Variants in RARS2 observed in about 807,000 individuals in gnomAD.
The protein encoded by RARS2 is probable arginine--tRNA ligase, mitochondrial.
RARS2 carries 67 observed loss-of-function variants against 88.5 expected under a neutral mutation model. The observed-to-expected ratio is 0.76, with a 90% CI of 0.62 to 0.93. RARS2 has a LOEUF of 0.93. Ranked by LOEUF, RARS2 falls within the 40% of genes least tolerant of loss-of-function variation. The pLI, the probability that RARS2 is intolerant of heterozygous loss-of-function variation, is 0.00. For missense variants in RARS2, 664 were observed against 684.2 expected (o/e 0.97, Z 0.33); for synonymous variants, 239 against 230.3 (o/e 1.04, Z -0.34).
Position 87,518,697 on chromosome 6 carries a change from C to T in RARS2, c.1348G>A (p.Asp450Asn). Residue 450 changes from aspartate (D) to asparagine (N), a missense_variant, in exon 16 of 20, where the codon GAT becomes AAT. By Grantham distance (23) the Asp-to-Asn change is conservative. Coordinates refer to ENST00000369536, the MANE Select transcript of RARS2 (RefSeq NM_020320.5). ...LLLSDYKFSWDRVFQSRGDTG... is the reference protein window; with the variant it reads ...LLLSDYKFSWNRVFQSRGDTG... The stretch of plus-strand genomic sequence containing the variant: ...TCCCCGCGACTCTGGAAAACACGAT[C>T]CCAGCTGAACTTGTAGTCAGATAAG... 1 of 1,614,074 alleles carries T rather than the reference C, an allele frequency of 6.2e-7. No homozygotes were observed. The highest frequency in any genetic ancestry group is 8.5e-7 in the Non-Finnish European group (1 of 1,179,972).
intron 1 of RARS2, among the ~76,000 whole-genome samples, chr6:87,576,696 A>G (rs775372949): frequency 3.9e-5 from 6 of 152,366 alleles, no homozygotes; most frequent in South Asian, 2.1e-4. Context: ...TGTGGGGCAT[A>G]TAAGTATTAA....
In RARS2 at chr6:87,586,953, C is replaced by T. The variant is rs1472480881; in HGVS notation, c.36+2969G>A. Among the ~76,000 whole-genome samples, 5 of 151,962 alleles carry T rather than the reference C, an allele frequency of 3.3e-5. No homozygotes were observed. The East Asian group carries it at 5.8e-4, about 18-fold the overall frequency. ...AGACAGGGTCTTGCTTTACCACCCA[C>T]GCTGGAGTTCAGTGGCACAATCTTG... On this transcript the variant is annotated intron_variant, in intron 1 of 19. Coordinates refer to ENST00000369536, the MANE Select transcript of RARS2 (RefSeq NM_020320.5).
rs767785738 is a variant in RARS2, at chr6:87,530,821, C to T, written c.734G>A (p.Arg245Gln). Residue 245 changes from arginine to glutamine, a missense_variant, in exon 9 of 20, where the codon CGG becomes CAG. Physicochemically the swap from Arg to Gln is conservative, Grantham distance 43 (BLOSUM62 1). Transcript: ENST00000369536. ...VQALSLWQKF[R>Q]DLSIEEYIRV... ...AATGTACTCTTCAATGCTCAAGTCC[C>T]GAAATTTTTGCCACAGTGAAAGTGC... The T allele has an allele frequency of 8.7e-6, 14 of 1,614,162 alleles. No individual in the cohort carries two copies. Among genetic ancestry groups the T allele is most frequent in the East Asian group, 6.7e-5 (3 of 44,876 alleles).
At chr6:87,566,018 T>C (rs916429845) in intron 2 of RARS2, among the ~76,000 whole-genome samples, 14 of 152,184 alleles carry the variant, frequency 9.2e-5, no homozygotes, top group African/African-American at 3.4e-4. Context: ...CAGCCTACTA[T>C]GTATTACACT....
chr6:87,575,719 G>A lies in RARS2; in HGVS notation c.37-6129C>T, dbSNP rs187289330. Among the ~76,000 whole-genome samples the A allele has an allele frequency of 9.2e-4, 140 of 152,070 alleles. No homozygotes were observed. The South Asian group carries it at 9.3e-3, about 10-fold the overall frequency. Reference sequence around the variant, plus strand: ...AAACAATAAAGGGAAAAACTTCCACGAAATAAAGAACCAAATCTAAATTGT... The same window carrying A: ...AAACAATAAAGGGAAAAACTTCCACAAAATAAAGAACCAAATCTAAATTGT... On this transcript the variant is annotated intron_variant, in intron 1 of 19. Transcript: ENST00000369536.
At chr6:87,552,847 C>G (rs35289945) in intron 5 of RARS2, among the ~76,000 whole-genome samples, 2 of 151,938 alleles carry the variant, frequency 1.3e-5, no homozygotes, top group Non-Finnish European at 2.9e-5. Context: ...GATGAATGTA[C>G]GGTAACAGGT....
At chr6:87,530,613 C>T (rs1777188068) in intron 9 of RARS2, among the ~76,000 whole-genome samples, 171 bp downstream of exon 9, 1 of 152,142 alleles carries the variant, frequency 6.6e-6, no homozygotes. Flanking sequence ...GACACTGCTT[C>T]AGGATTATTT....
intron 1 of RARS2, among the ~76,000 whole-genome samples, chr6:87,580,997 C>G (rs973043165): frequency 7.2e-5 from 11 of 152,236 alleles, no homozygotes; most frequent in African/African-American, 2.6e-4. Context: ...GGCTCCAGAG[C>G]ATTCACTAGG....
chr6:87,585,493 G>A (rs552786047), intron 1 of RARS2, among the ~76,000 whole-genome samples: 2 of 152,280 alleles, frequency 1.3e-5, no homozygotes, highest in Middle Eastern at 3.4e-3. Context: ...CACTTTGGGA[G>A]GCTGAGATGG....
intron 8 of RARS2, among the ~76,000 whole-genome samples, chr6:87,537,614 A>G (rs1317289240): frequency 6.6e-6 from 1 of 152,212 alleles, no homozygotes; most frequent in African/African-American, 2.4e-5. Flanking sequence ...CATAATATTT[A>G]GGGTTGTGGA....
At chr6:87,561,864 G>A (rs1787938685) in intron 4 of RARS2, among the ~76,000 whole-genome samples, 2 of 152,238 alleles carry the variant, frequency 1.3e-5, no homozygotes, top group African/African-American at 4.8e-5. Context: ...TGTCAATTGA[G>A]AAGGATTTGG....
intron 1 of RARS2, among the ~76,000 whole-genome samples, chr6:87,576,642 C>G (rs549138057): frequency 6.6e-6 from 1 of 152,006 alleles, no homozygotes; most frequent in South Asian, 2.1e-4. Flanking sequence ...TGGGTACTCT[C>G]GGGAATTTAA....
chr6:87,579,780 G>A (rs987984772), intron 1 of RARS2, among the ~76,000 whole-genome samples: 50 of 126,946 alleles, frequency 3.9e-4, no homozygotes, highest in Middle Eastern at 0.01. Context: ...AGGCTGGAGT[G>A]CAGTGATGCA....
chr6:87,557,567 T>G (rs769534941), intron 4 of RARS2, among the ~76,000 whole-genome samples: 2 of 152,230 alleles, frequency 1.3e-5, no homozygotes, highest in Non-Finnish European at 2.9e-5. Context: ...AAGGCAACAT[T>G]AATAATTTTT....
At chr6:87,589,650 T>G (rs2128237620) in intron 1 of RARS2, 1 of 984,550 alleles carries the variant, frequency 1.0e-6, no homozygotes, top group Non-Finnish European at 1.2e-6. Flanking sequence ...GCCACCCAGG[T>G]AAAGCATTCA....
intron 1 of RARS2, among the ~76,000 whole-genome samples, chr6:87,573,746 G>C (rs969015931): frequency 1.6e-4 from 25 of 151,994 alleles, no homozygotes; most frequent in African/African-American, 6.0e-4. Context: ...TGAAATGAAA[G>C]CTTCTTCACA....
intron 8 of RARS2, among the ~76,000 whole-genome samples, chr6:87,539,732 C>T (rs983516877): frequency 6.6e-6 from 1 of 152,160 alleles, no homozygotes. Context: ...ACTCTCGTGG[C>T]AAAACTGCTG....
Position 87,529,555 on chromosome 6 carries a change from G to A in RARS2, c.865C>T (p.Leu289=). The A allele has an allele frequency of 6.4e-7, 1 of 1,572,610 alleles. No individual in the cohort carries two copies. The highest frequency in any genetic ancestry group is 1.4e-5 in the African/African-American group (1 of 74,052). Residue 289 remains leucine, a synonymous_variant, in exon 10 of 20, where the codon CTA becomes TTA. Coordinates refer to ENST00000369536, the MANE Select transcript of RARS2 (RefSeq NM_020320.5). ...ACCTGATCATACATTGTTTTCAGTA[G>A]GAGTCCTTTACTCTCCAGCAACTTT... is the stretch of plus-strand genomic sequence containing the variant. ...VLKLLESKGL[L]LKTIKGTAVV... is the part of the protein sequence containing the mutation.
In RARS2 at chr6:87,530,930, C is replaced by T; in HGVS notation, c.625G>A (p.Val209Ile). 1 of 1,614,086 alleles carries T rather than the reference C, an allele frequency of 6.2e-7. No individual in the cohort carries two copies. Among genetic ancestry groups the T allele is most frequent in the Non-Finnish European group, 8.5e-7 (1 of 1,180,006 alleles). The change falls in exon 9 of 20, where the codon GTT (valine) becomes ATT (isoleucine). Residue 209 changes from valine to isoleucine, a missense_variant. Physicochemically the swap from Val to Ile is conservative, Grantham distance 29 (BLOSUM62 3). Coordinates refer to ENST00000369536, the MANE Select transcript of RARS2 (RefSeq NM_020320.5). ...LQHLFEVYVQ[V>I]NKEAADDKSV... ...TTATCATCTGCTGCTTCTTTATTAA[C>T]TTGTACATAAACCTAAAAGTACAAT... is the stretch of plus-strand genomic sequence containing the variant.
Sources: gnomAD v4.1 joint callset for allele counts (sites outside exome capture counted in the v4.1 genomes callset) on GRCh38, gnomAD v4.1.1 for gene constraint, MANE v1.5 for transcripts, NCBI Gene and HGNC (gene_info 2026-07-23, HGNC 2026-07-21) for gene names.